The following ANXA10 variants were observed in gnomAD, a reference collection of about 807,000 sequenced individuals.
ANXA10 encodes the protein annexin A10, also known as annexin 14.
ANXA10 carries 49 observed loss-of-function variants against 53.5 expected under a neutral mutation model. That is an observed-to-expected ratio of 0.92 (90% CI 0.73 to 1.16). ANXA10 has a LOEUF of 1.16. ANXA10 is among the 50% of genes most tolerant of loss of function. The probability of loss-of-function intolerance (pLI) is 0.00; values close to 1 mark genes in which losing one functional copy is unlikely to be tolerated. For missense variants in ANXA10, 393 were observed against 394.4 expected (o/e 1.00, Z 0.03); for synonymous variants, 131 against 128.9 (o/e 1.02, Z -0.11).
chr4:168,181,883 C>G, intron 10 of ANXA10, 142 bp downstream of exon 10: 1 of 634,186 alleles, frequency 1.6e-6, no homozygotes, highest in East Asian at 2.8e-5. Context: ...GTGAGAAAAA[C>G]TGGTTTAGAC....
At chr4:168,165,092 C>G (rs979329888) in intron 5 of ANXA10, 155 bp from the exon 6 acceptor site, 13 of 415,838 alleles carry the variant, frequency 3.1e-5, no homozygotes, top group African/African-American at 2.3e-4. Context: ...TGACAGAATT[C>G]TTTGGCAGAC....
chr4:168,162,784 A>T, intron 4 of ANXA10, 143 bp downstream of exon 4: 1 of 716,932 alleles, frequency 1.4e-6, no homozygotes, highest in Non-Finnish European at 2.4e-6. Context: ...AACAATGGAA[A>T]TGTTGTGGTC....
At chr4:168,116,950 G>C (rs928256323) in intron 1 of ANXA10, among the ~76,000 whole-genome samples, 1 of 151,438 alleles carries the variant, frequency 6.6e-6, no homozygotes, top group Non-Finnish European at 1.5e-5. Context: ...TTAATTTTAT[G>C]AATTTCCTCC....
At chr4:168,178,761 G>A (rs1377959326) in intron 8 of ANXA10, among the ~76,000 whole-genome samples, 1 of 152,202 alleles carries the variant, frequency 6.6e-6, no homozygotes, top group South Asian at 2.1e-4. Flanking sequence ...CCAAAAAGTT[G>A]ATTTCATATT....
At chr4:168,121,102 A>T (rs1419622359) in intron 1 of ANXA10, among the ~76,000 whole-genome samples, 2 of 152,220 alleles carry the variant, frequency 1.3e-5, no homozygotes, top group East Asian at 3.9e-4. Flanking sequence ...TTTTCATTTG[A>T]TGTTTATAAT....
At chr4:168,137,934 T>C (rs1350943404) in intron 2 of ANXA10, among the ~76,000 whole-genome samples, 1 of 151,640 alleles carries the variant, frequency 6.6e-6, no homozygotes, top group Non-Finnish European at 1.5e-5. Context: ...TTTTTGCACA[T>C]CCTCTCCAAC....
chr4:168,095,656 G>A (rs1413782907), intron 1 of ANXA10, among the ~76,000 whole-genome samples: 1 of 151,996 alleles, frequency 6.6e-6, no homozygotes, highest in Non-Finnish European at 1.5e-5. Flanking sequence ...CTACCCAAAT[G>A]TTTTATACAT....
intron 6 of ANXA10, among the ~76,000 whole-genome samples, chr4:168,168,870 A>C (rs2149478449): frequency 6.6e-6 from 1 of 152,308 alleles, no homozygotes; most frequent in African/African-American, 2.4e-5. Flanking sequence ...CTAAAAGGGA[A>C]GCATATATAA....
At chr4:168,151,291 TC>T in intron 3 of ANXA10, among the ~76,000 whole-genome samples, 1 of 152,172 alleles carries the variant, frequency 6.6e-6, no homozygotes, top group Non-Finnish European at 1.5e-5. Flanking sequence ...ATGAAACTAT[TC>T]CCCTGAGCAT....
chr4:168,175,334 C>T (rs1428808679), intron 6 of ANXA10, among the ~76,000 whole-genome samples: 7 of 152,102 alleles, frequency 4.6e-5, no homozygotes, highest in Admixed American at 4.6e-4. Context: ...ATATTAATTG[C>T]TTCCAATTAT....
At chr4:168,107,281 A>G (rs369016298) in intron 1 of ANXA10, among the ~76,000 whole-genome samples, 105 of 152,324 alleles carry the variant, frequency 6.9e-4, no homozygotes, top group African/African-American at 2.4e-3. Flanking sequence ...GGAAACAAAG[A>G]GTTTCAGTGG....
chr4:168,113,803 C>G (rs1482117843), intron 1 of ANXA10, among the ~76,000 whole-genome samples: 1 of 152,206 alleles, frequency 6.6e-6, no homozygotes, highest in African/African-American at 2.4e-5. Flanking sequence ...TTTTTGAACA[C>G]TTATTCATGG....
intron 2 of ANXA10, among the ~76,000 whole-genome samples, chr4:168,131,430 G>T (rs138550524): frequency 1.4e-3 from 216 of 152,158 alleles, no homozygotes; most frequent in African/African-American, 4.8e-3. Context: ...AACTTGAGAA[G>T]AATGTGTATT....
chr4:168,183,009 GAAAAAAAAAAA>G (rs747151480), intron 10 of ANXA10, among the ~76,000 whole-genome samples: 1 of 93,394 alleles, frequency 1.1e-5, no homozygotes, highest in Non-Finnish European at 2.2e-5. Context: ...CACCGTCTCG[GAAAAAAAAAAA>G]AAAAAAAAAG....
chr4:168,112,604 C>T (rs993198718), intron 1 of ANXA10, among the ~76,000 whole-genome samples: 2 of 152,020 alleles, frequency 1.3e-5, no homozygotes, highest in Non-Finnish European at 2.9e-5. Flanking sequence ...AAAATATTCC[C>T]ATCTGTATTT....
intron 8 of ANXA10, among the ~76,000 whole-genome samples, 190 bp from the exon 9 acceptor site, chr4:168,179,026 GT>G (rs1348810114): frequency 6.6e-6 from 1 of 152,100 alleles, no homozygotes; most frequent in Non-Finnish European, 1.5e-5. Flanking sequence ...GGTCTTTGAA[GT>G]TCAAGATTTA....
intron 10 of ANXA10, among the ~76,000 whole-genome samples, chr4:168,182,298 G>A (rs1038322600): frequency 6.3e-5 from 8 of 127,854 alleles, no homozygotes; most frequent in African/African-American, 1.2e-4. Context: ...TTATTCAGTC[G>A]CACATACTTT....
At chr4:168,116,251 T>C (rs1394832777) in intron 1 of ANXA10, among the ~76,000 whole-genome samples, 1 of 151,860 alleles carries the variant, frequency 6.6e-6, no homozygotes, top group African/African-American at 2.4e-5. Flanking sequence ...AAAAAAAAAA[T>C]CTTACTTTTT....
At chr4:168,158,248 T>G (rs1401819057) in intron 3 of ANXA10, among the ~76,000 whole-genome samples, 13 of 152,182 alleles carry the variant, frequency 8.5e-5, no homozygotes, top group African/African-American at 3.1e-4. Context: ...TAAGTTTTAT[T>G]TGGTGAAGTT....
Sources: allele counts gnomAD v4.1 joint callset (sites outside exome capture counted in the v4.1 genomes callset), GRCh38; gene constraint gnomAD v4.1.1; transcripts MANE v1.5; gene names NCBI Gene and HGNC (gene_info 2026-07-23, HGNC 2026-07-21).